Variants in RTF1 observed in about 807,000 individuals in gnomAD.
RTF1 encodes the protein RNA polymerase-associated protein RTF1 homolog.
A neutral mutation model predicts 95.7 loss-of-function variants in RTF1; 10 were observed. The observed-to-expected ratio is 0.10, with a 90% CI of 0.06 to 0.18. The LOEUF (loss-of-function observed/expected upper bound fraction) is 0.18. Ranked by LOEUF, RTF1 falls within the 10% of genes least tolerant of loss-of-function variation. The pLI, the probability that RTF1 is intolerant of heterozygous loss-of-function variation, is 1.00. For synonymous variants in RTF1, 305 were observed against 311.8 expected (o/e 0.98, Z 0.23); for missense variants, 458 against 875.6 (o/e 0.52, Z 6.02).
chr15:41,457,750 A>G lies in RTF1; in HGVS notation c.536A>G (p.His179Arg). 1 of 1,614,180 alleles carries G rather than the reference A, an allele frequency of 6.2e-7. No individual in the cohort carries two copies. Among genetic ancestry groups the G allele is most frequent in the Non-Finnish European group, 8.5e-7 (1 of 1,180,026 alleles). ...TCTTCCTCAGAAGATGAAGAGTTCCATGATGGCTATGGAGAAGACCTCATG... is the reference window on the plus strand; with the variant it reads ...TCTTCCTCAGAAGATGAAGAGTTCCGTGATGGCTATGGAGAAGACCTCATG... ...SDSSSEDEEFHDGYGEDLMGD... is the reference protein window; with the variant it reads ...SDSSSEDEEFRDGYGEDLMGD... Residue 179 changes from histidine (H) to arginine (R), a missense_variant, in exon 4 of 18, where the codon CAT (histidine) becomes CGT (arginine). Around this residue, in one of 11 missense-constraint regions of RTF1, gnomAD observed 17 missense variants for 69.3 expected, o/e 0.25. Transcript: ENST00000389629.
chr15:41,451,019 G>A (rs942557977), intron 2 of RTF1, among the ~76,000 whole-genome samples: 2 of 152,062 alleles, frequency 1.3e-5, no homozygotes, highest in Non-Finnish European at 2.9e-5. Flanking sequence ...CTAGCTGACT[G>A]TTGTTCTTAA....
chr15:41,479,642 C>A (rs545721690), intron 16 of RTF1, among the ~76,000 whole-genome samples: 153 of 152,206 alleles, frequency 1.0e-3, no homozygotes, highest in Non-Finnish European at 1.4e-3. Context: ...GGGCGGATCA[C>A]CTGAGGTCAG....
chr15:41,444,705 C>T (rs1374874951), intron 2 of RTF1, among the ~76,000 whole-genome samples: 1 of 152,102 alleles, frequency 6.6e-6, no homozygotes, highest in Non-Finnish European at 1.5e-5. Context: ...TGTGGTACTG[C>T]TTTATACAGC....
intron 2 of RTF1, among the ~76,000 whole-genome samples, chr15:41,449,183 C>T (rs1380054537): frequency 6.7e-6 from 1 of 150,340 alleles, no homozygotes; most frequent in East Asian, 2.0e-4. Flanking sequence ...TGCGCCCAGC[C>T]TATTTTATTT....
Position 41,481,274 on chromosome 15 carries a change from AGT to A in RTF1, c.*592_*593del, listed in dbSNP as rs2050972913. 6.8e-6 allele frequency: 1 copy of A among 147,454 alleles called. No individual in the cohort carries two copies. The highest frequency in any genetic ancestry group is 1.5e-5 in the Non-Finnish European group (1 of 67,712). The allele number at this position is 147,454 out of a possible 1,614,324, so 9.1% of individuals were successfully genotyped here. ...GGGGGGGGTCTAATTTGAGAGCGAG[AGT>A]GTGTATGTGTGTGTGTGTAAGTGTG... On this transcript the variant is annotated 3_prime_UTR_variant, in exon 18 of 18. Coordinates refer to ENST00000389629, the MANE Select transcript of RTF1 (RefSeq NM_015138.5).
chr15:41,474,480 C>T, intron 8 of RTF1, 140 bp from the exon 9 acceptor site: 2 of 676,976 alleles, frequency 3.0e-6, no homozygotes, highest in Non-Finnish European at 5.4e-6. Flanking sequence ...AGAAACCTTT[C>T]TCAGAACCCC....
chr15:41,480,785 G>A lies in RTF1; in HGVS notation c.*98G>A. On this transcript the variant is annotated 3_prime_UTR_variant, in exon 18 of 18. Coordinates refer to ENST00000389629, the MANE Select transcript of RTF1 (RefSeq NM_015138.5). ...TTAGCCTCTTTGGGCTGGAGCAGCT[G>A]TTGAACTGGGAAGAGACTCTAAACT... 1.2e-6 allele frequency: 1 copy of A among 850,578 alleles called. No individual in the cohort carries two copies. The highest frequency in any genetic ancestry group is 2.0e-6 in the Non-Finnish European group (1 of 506,158). 52.7% of individuals were successfully genotyped at this position (850,578 alleles called of 1,614,324 possible).
In RTF1 at chr15:41,479,037, A is replaced by G. The variant is rs1171091562; in HGVS notation, c.1819-66A>G. On this transcript the variant is annotated intron_variant, in intron 15 of 17. Coordinates refer to ENST00000389629, the MANE Select transcript of RTF1 (RefSeq NM_015138.5). Reference sequence around the variant, plus strand: ...TGTGATGTTAGTTTGGTAGGTGGGAAAGAATCTGGCAGTAGGACTCTGTGA... The same window carrying G: ...TGTGATGTTAGTTTGGTAGGTGGGAGAGAATCTGGCAGTAGGACTCTGTGA... 19 of 1,132,290 alleles carry G rather than the reference A, an allele frequency of 1.7e-5. No individual in the cohort carries two copies. In the Admixed American group the frequency reaches 3.0e-4, roughly 18 times the overall value. The allele number at this position is 1,132,290 out of a possible 1,614,324, so 70.1% of individuals were successfully genotyped here.
chr15:41,445,029 T>G (rs1317090189), intron 2 of RTF1, among the ~76,000 whole-genome samples: 1 of 152,208 alleles, frequency 6.6e-6, no homozygotes, highest in Non-Finnish European at 1.5e-5. Flanking sequence ...CCTCCCGGAT[T>G]CACGCCGTTC....
intron 4 of RTF1, among the ~76,000 whole-genome samples, chr15:41,460,080 C>G (rs1465854292): frequency 1.3e-5 from 2 of 151,062 alleles, no homozygotes; most frequent in East Asian, 1.9e-4. Flanking sequence ...GGCTTTCAGT[C>G]AGCAGCAAGC....
At chr15:41,480,015 C>G (rs1482693957) in intron 16 of RTF1, among the ~76,000 whole-genome samples, 199 bp from the exon 17 acceptor site, 2 of 152,192 alleles carry the variant, frequency 1.3e-5, no homozygotes, top group African/African-American at 4.8e-5. Flanking sequence ...CACAAGCCTG[C>G]CCTCTTCTCT....
At chr15:41,424,043 C>T (rs188776609) in intron 1 of RTF1, among the ~76,000 whole-genome samples, 256 of 152,256 alleles carry the variant, frequency 1.7e-3, no homozygotes, top group African/African-American at 4.4e-3. Context: ...CATGAGCCAC[C>T]GCATCCGGCC....
At chr15:41,450,168 C>G (rs2050783023) in intron 2 of RTF1, among the ~76,000 whole-genome samples, 1 of 151,980 alleles carries the variant, frequency 6.6e-6, no homozygotes, top group Non-Finnish European at 1.5e-5. Flanking sequence ...TGCATTCCAG[C>G]CTGGTCAACA....
intron 1 of RTF1, among the ~76,000 whole-genome samples, chr15:41,424,262 G>A (rs2050617715): frequency 6.6e-6 from 1 of 152,164 alleles, no homozygotes; most frequent in Non-Finnish European, 1.5e-5. Flanking sequence ...ATATTAACCA[G>A]GGACCCTATT....
chr15:41,470,220 G>A, intron 6 of RTF1, 37 bp from the exon 7 acceptor site: 1 of 1,594,948 alleles, frequency 6.3e-7, no homozygotes, highest in Non-Finnish European at 8.6e-7. Flanking sequence ...TTTTCTTGTT[G>A]AGAAAACCTA....
chr15:41,426,781 ATGTGTGTGTGTGTGTGTGTGTG>A (rs58073154), intron 1 of RTF1, among the ~76,000 whole-genome samples: 9 of 78,458 alleles, frequency 1.1e-4, no homozygotes, highest in South Asian at 5.3e-4. Context: ...CTACATATAT[ATGTGTGTGTGTGTGTGTGTGTG>A]TGTGTGTGTG....
chr15:41,451,186 A>G (rs933187012), intron 2 of RTF1, among the ~76,000 whole-genome samples: 1 of 152,186 alleles, frequency 6.6e-6, no homozygotes, highest in Non-Finnish European at 1.5e-5. Context: ...AGAAGGAACA[A>G]AGACTTTGTG....
chr15:41,464,630 T>C, intron 4 of RTF1, 141 bp from the exon 5 acceptor site: 1 of 544,954 alleles, frequency 1.8e-6, no homozygotes, highest in Non-Finnish European at 3.1e-6. Context: ...TTTAATGTAC[T>C]TAAAAGGTAC....
chr15:41,454,921 G>A (rs193251045), intron 3 of RTF1, among the ~76,000 whole-genome samples: 1 of 152,142 alleles, frequency 6.6e-6, no homozygotes, highest in Admixed American at 6.5e-5. Flanking sequence ...TGTTCAGATA[G>A]ACAAAATTTT....
Sources: allele counts gnomAD v4.1 joint callset (sites outside exome capture counted in the v4.1 genomes callset), GRCh38; gene constraint gnomAD v4.1.1; regional missense constraint gnomAD v4.1.1; transcripts MANE v1.5; gene names NCBI Gene and HGNC (gene_info 2026-07-23, HGNC 2026-07-21).